Variants in ADCY1 observed in about 807,000 individuals in gnomAD.
The protein encoded by ADCY1 is adenylate cyclase type 1.
Under a neutral mutation model 105.4 loss-of-function variants are expected in ADCY1, and 28 were observed. That is an observed-to-expected ratio of 0.27 (90% CI 0.20 to 0.36). The LOEUF (loss-of-function observed/expected upper bound fraction) is 0.36, where lower values mean the gene tolerates loss of function less well. Ranked by LOEUF, ADCY1 falls within the 10% of genes least tolerant of loss-of-function variation. ADCY1 has a pLI of 1.00. For synonymous variants in ADCY1, 655 were observed against 623.8 expected (o/e 1.05, Z -0.75); for missense variants, 977 against 1,434.2 (o/e 0.68, Z 5.15).
Position 45,713,937 on chromosome 7 carries a change from T to C in ADCY1, c.3302T>C (p.Leu1101Pro). 1.3e-6 allele frequency: 1 copy of C among 780,360 alleles called. No individual in the cohort carries two copies. The highest frequency in any genetic ancestry group is 1.7e-5 in the African/African-American group (1 of 59,230). 48.3% of individuals were successfully genotyped at this position (780,360 alleles called of 1,614,324 possible). ...CCTGGCGTCTCAGTCAGGGCTGGGCTCCCTCCACACTCCCCAGGCCAGTAC... is the reference window on the plus strand; with the variant it reads ...CCTGGCGTCTCAGTCAGGGCTGGGCCCCCTCCACACTCCCCAGGCCAGTAC... ...PMPGVSVRAGLPPHSPGQYLP... is the reference protein window; with the variant it reads ...PMPGVSVRAGPPPHSPGQYLP... Residue 1101 changes from leucine to proline, a missense_variant, in exon 20 of 20, where the codon CTC becomes CCC. This residue lies in a region of ADCY1 where 78 missense variants were observed against 60.0 expected (regional missense o/e 1.30). Coordinates refer to ENST00000297323, the MANE Select transcript of ADCY1 (RefSeq NM_021116.4).
At chr7:45,680,814 G>A (rs1030693850) in intron 11 of ADCY1, among the ~76,000 whole-genome samples, 2 of 152,218 alleles carry the variant, frequency 1.3e-5, no homozygotes, top group African/African-American at 4.8e-5. Flanking sequence ...TCAGTGGTGG[G>A]AACCAGTGTG....
chr7:45,682,248 G>A (rs1784573648), intron 11 of ADCY1, among the ~76,000 whole-genome samples: 1 of 152,150 alleles, frequency 6.6e-6, no homozygotes. Flanking sequence ...CGGGAATCAG[G>A]GTGGGGAGGT....
intron 1 of ADCY1, among the ~76,000 whole-genome samples, chr7:45,579,388 G>A (rs527405220): frequency 3.1e-4 from 47 of 151,232 alleles, no homozygotes; most frequent in African/African-American, 1.1e-3. Context: ...CTTCCTCCCC[G>A]GCTGGGATCC....
intron 14 of ADCY1, among the ~76,000 whole-genome samples, chr7:45,698,801 A>G (rs1784934299): frequency 6.6e-6 from 1 of 152,150 alleles, no homozygotes. Context: ...ACCTCTCCCC[A>G]TGCCTCACCC....
intron 1 of ADCY1, among the ~76,000 whole-genome samples, chr7:45,586,548 A>T (rs1240732308): frequency 6.6e-6 from 1 of 152,222 alleles, no homozygotes; most frequent in Non-Finnish European, 1.5e-5. Context: ...AATGATGCTA[A>T]TTCTAAAACG....
intron 14 of ADCY1, among the ~76,000 whole-genome samples, chr7:45,690,028 CAA>C (rs1784757592): frequency 6.6e-6 from 1 of 152,226 alleles, no homozygotes; most frequent in South Asian, 2.1e-4. Context: ...TCCCTGTCTC[CAA>C]AGGTGGTCTG....
chr7:45,615,768 A>G (rs1366994826), intron 3 of ADCY1, among the ~76,000 whole-genome samples: 2 of 149,920 alleles, frequency 1.3e-5, no homozygotes, highest in Admixed American at 1.3e-4. Context: ...CAAATTAACA[A>G]TATTAACTTT....
At chr7:45,664,406 C>G in intron 8 of ADCY1, 1 of 1,536,000 alleles carries the variant, frequency 6.5e-7, no homozygotes, top group Non-Finnish European at 8.7e-7. Context: ...CCACTGTCAC[C>G]AGTGCTGCAA....
chr7:45,632,513 A>G (rs1794284648), intron 4 of ADCY1, among the ~76,000 whole-genome samples: 1 of 148,460 alleles, frequency 6.7e-6, no homozygotes, highest in Non-Finnish European at 1.5e-5. Context: ...AAAAATGTAT[A>G]GAAAAAATTC....
chr7:45,630,756 TC>T (rs373191948), intron 4 of ADCY1, among the ~76,000 whole-genome samples: 75 of 152,340 alleles, frequency 4.9e-4, no homozygotes, highest in African/African-American at 1.7e-3. Flanking sequence ...ATCTGGATAA[TC>T]CAAGATGGTT....
chr7:45,648,386 G>T (rs1794720389), intron 4 of ADCY1, among the ~76,000 whole-genome samples: 1 of 152,262 alleles, frequency 6.6e-6, no homozygotes, highest in African/African-American at 2.4e-5. Context: ...ATCCTGTAGG[G>T]TTGGCTCAGT....
At chr7:45,675,224 A>C (rs988820699) in intron 8 of ADCY1, among the ~76,000 whole-genome samples, 1 of 152,036 alleles carries the variant, frequency 6.6e-6, no homozygotes, top group Non-Finnish European at 1.5e-5. Flanking sequence ...GTTTATCTAG[A>C]TATGTATTAT....
intron 5 of ADCY1, among the ~76,000 whole-genome samples, chr7:45,652,234 C>T (rs1170318850): frequency 6.6e-6 from 1 of 152,214 alleles, no homozygotes; most frequent in Non-Finnish European, 1.5e-5. Flanking sequence ...CAGGTCCCAA[C>T]ATTGGGAATT....
At chr7:45,629,538 G>A in intron 4 of ADCY1, among the ~76,000 whole-genome samples, 1 of 146,422 alleles carries the variant, frequency 6.8e-6, no homozygotes, top group East Asian at 2.1e-4. Context: ...TTGAGACGGA[G>A]TCTCGCTCTG....
chr7:45,614,730 C>T (rs1793691729), intron 3 of ADCY1, among the ~76,000 whole-genome samples: 1 of 152,184 alleles, frequency 6.6e-6, no homozygotes, highest in African/African-American at 2.4e-5. Context: ...GCAAAGATGG[C>T]TGTGCTTGTA....
chr7:45,701,461 T>C (rs968233106), intron 14 of ADCY1, among the ~76,000 whole-genome samples: 1 of 152,204 alleles, frequency 6.6e-6, no homozygotes, highest in Non-Finnish European at 1.5e-5. Context: ...AATCAAAGCA[T>C]ATTCAATTAC....
chr7:45,649,916 C>T (rs1048061224), intron 5 of ADCY1, among the ~76,000 whole-genome samples: 1 of 152,146 alleles, frequency 6.6e-6, no homozygotes, highest in African/African-American at 2.4e-5. Flanking sequence ...TGGAAAAGCC[C>T]CCTCAGCTGA....
Position 45,715,414 on chromosome 7 carries a change from G to T in ADCY1, c.*1419G>T, listed in dbSNP as rs56138316. ...TGAGCCCTGCCTATGCTCAAAGCCA[G>T]CAGGGTTGGGGGTCCGCCTCCTCAC... On this transcript the variant is annotated 3_prime_UTR_variant, in exon 20 of 20. Transcript: ENST00000297323. The T allele has an allele frequency of 0.073, 11,059 of 152,490 alleles. 448 individuals carry two copies. Among genetic ancestry groups the T allele is most frequent in the Middle Eastern group, 0.1 (31 of 298 alleles). The allele number at this position is 152,490 out of a possible 1,614,324, so 9.4% of individuals were successfully genotyped here. A position where few individuals can be genotyped will look rare whatever the true frequency, so the allele number is the denominator to read the frequency against.
At chr7:45,693,706 G>T (rs1040253073) in intron 14 of ADCY1, among the ~76,000 whole-genome samples, 1 of 150,394 alleles carries the variant, frequency 6.6e-6, no homozygotes, top group African/African-American at 2.5e-5. Flanking sequence ...CAAAGACTTG[G>T]AACCAACCCA....
Sources: allele counts gnomAD v4.1 joint callset (sites outside exome capture counted in the v4.1 genomes callset), GRCh38; gene constraint gnomAD v4.1.1; regional missense constraint gnomAD v4.1.1; transcripts MANE v1.5; gene names NCBI Gene and HGNC (gene_info 2026-07-23, HGNC 2026-07-21).